IMMP2L: variants seen among roughly 807,000 people sequenced by gnomAD.
IMMP2L encodes inner mitochondrial membrane peptidase subunit 2.
In IMMP2L, 18 loss-of-function variants were observed where a neutral mutation model predicts 19.3. That is an observed-to-expected ratio of 0.93 (90% CI 0.64 to 1.38). The LOEUF (loss-of-function observed/expected upper bound fraction) is 1.38. Ranked by LOEUF, IMMP2L falls within the 40% of genes most tolerant of loss-of-function variation. IMMP2L has a pLI of 0.00. For missense variants in IMMP2L, 233 were observed against 218.2 expected (o/e 1.07, Z -0.43); for synonymous variants, 76 against 73.0 (o/e 1.04, Z -0.21).
chr7:110,979,062 G>C (rs1820983548), intron 3 of IMMP2L, among the ~76,000 whole-genome samples: 1 of 151,982 alleles, frequency 6.6e-6, no homozygotes, highest in Non-Finnish European at 1.5e-5. Context: ...GTTGACACTT[G>C]GTATTACAGT....
chr7:110,913,305 T>C (rs1813255821), intron 4 of IMMP2L, among the ~76,000 whole-genome samples: 1 of 152,058 alleles, frequency 6.6e-6, no homozygotes, highest in African/African-American at 2.4e-5. Flanking sequence ...AGCAAACTAA[T>C]ACTTTGTTGG....
At chr7:110,718,940 A>T (rs1399187386) in intron 5 of IMMP2L, among the ~76,000 whole-genome samples, 1 of 152,188 alleles carries the variant, frequency 6.6e-6, no homozygotes, top group Non-Finnish European at 1.5e-5. Flanking sequence ...GAAGCTGCAA[A>T]TGACTAGATC....
intron 3 of IMMP2L, among the ~76,000 whole-genome samples, chr7:111,373,022 G>A: frequency 6.6e-6 from 1 of 151,772 alleles, no homozygotes. Flanking sequence ...TTTAATTACG[G>A]AGGATTAAGA....
At chr7:110,862,844 G>T (rs1488692603) in intron 5 of IMMP2L, among the ~76,000 whole-genome samples, 1 of 151,954 alleles carries the variant, frequency 6.6e-6, no homozygotes. Flanking sequence ...AGAACAAAGA[G>T]CAAGTTTGAG....
chr7:110,946,087 A>G (rs1019424369), intron 4 of IMMP2L, among the ~76,000 whole-genome samples: 4 of 152,160 alleles, frequency 2.6e-5, no homozygotes, highest in Non-Finnish European at 5.9e-5. Context: ...AAATACGAAA[A>G]CAGGTTCTCA....
intron 3 of IMMP2L, among the ~76,000 whole-genome samples, chr7:111,275,951 C>T (rs1327411675): frequency 2.0e-5 from 3 of 151,962 alleles, no homozygotes; most frequent in African/African-American, 4.8e-5. Context: ...TGGAGTCTGC[C>T]GGGTTTTCTA....
At chr7:110,987,292 G>A (rs977240652) in intron 3 of IMMP2L, among the ~76,000 whole-genome samples, 2 of 152,140 alleles carry the variant, frequency 1.3e-5, no homozygotes, top group African/African-American at 4.8e-5. Flanking sequence ...CTCTTGACAG[G>A]GGAAAGGGTA....
At chr7:111,346,859 A>G (rs558643057) in intron 3 of IMMP2L, among the ~76,000 whole-genome samples, 14 of 152,170 alleles carry the variant, frequency 9.2e-5, no homozygotes, top group Non-Finnish European at 1.5e-4. Flanking sequence ...TTCCAGCTAC[A>G]CCACTTTAAT....
At chr7:110,849,411 G>A (rs1358490081) in intron 5 of IMMP2L, among the ~76,000 whole-genome samples, 2 of 151,724 alleles carry the variant, frequency 1.3e-5, no homozygotes, top group Admixed American at 6.6e-5. Context: ...TTACAATATA[G>A]GAAAAACATT....
intron 2 of IMMP2L, among the ~76,000 whole-genome samples, chr7:111,514,927 G>C (rs1845754454): frequency 1.3e-5 from 2 of 152,012 alleles, no homozygotes; most frequent in Admixed American, 1.3e-4. Flanking sequence ...AGTGATATAA[G>C]TAGTGCTTTG....
intron 3 of IMMP2L, among the ~76,000 whole-genome samples, chr7:111,072,025 CA>C (rs1208948851): frequency 2.0e-5 from 3 of 151,958 alleles, no homozygotes; most frequent in Admixed American, 2.0e-4. Flanking sequence ...TATTACCCAC[CA>C]GCCAAATATA....
chr7:111,493,851 T>G (rs1843337526), intron 2 of IMMP2L, among the ~76,000 whole-genome samples: 1 of 150,452 alleles, frequency 6.6e-6, no homozygotes, highest in Non-Finnish European at 1.5e-5. Context: ...TGCCAAAAAA[T>G]TAGCCGGGTG....
intron 5 of IMMP2L, among the ~76,000 whole-genome samples, chr7:110,746,965 G>C (rs1031476229): frequency 6.6e-6 from 1 of 152,070 alleles, no homozygotes; most frequent in Non-Finnish European, 1.5e-5. Flanking sequence ...GAATCCAGGA[G>C]GTAGTTTTTT....
chr7:111,500,511 A>C (rs927119041), intron 2 of IMMP2L, among the ~76,000 whole-genome samples: 2 of 152,190 alleles, frequency 1.3e-5, no homozygotes, highest in African/African-American at 4.8e-5. Context: ...CTGCCTCCTC[A>C]AGTGGGTCCC....
Position 110,692,695 on chromosome 7 carries a change from G to GA in IMMP2L, c.409-28975dup, listed in dbSNP as rs558903567. Among the ~76,000 whole-genome samples the GA allele has an allele frequency of 2.6e-5, 4 of 152,212 alleles. No homozygotes were observed. The South Asian group carries it at 6.2e-4, about 24-fold the overall frequency. On this transcript the variant is annotated intron_variant, in intron 5 of 5. Coordinates refer to ENST00000405709, the MANE Select transcript of IMMP2L (RefSeq NM_032549.4). ...TTTTGGTATAGATTATAGCTGTGGG[G>GA]AAAAATAGCTCTTTCTAGGAGGAAT...
intron 3 of IMMP2L, among the ~76,000 whole-genome samples, chr7:111,386,327 C>G (rs1831749976): frequency 6.6e-6 from 1 of 152,148 alleles, no homozygotes; most frequent in Non-Finnish European, 1.5e-5. Context: ...TACATTCATT[C>G]ACTTAACAAA....
chr7:111,108,935 C>A (rs556646259), intron 3 of IMMP2L, among the ~76,000 whole-genome samples: 2 of 152,260 alleles, frequency 1.3e-5, no homozygotes, highest in South Asian at 4.1e-4. Flanking sequence ...TCTAGCTAGG[C>A]ATTGGAGATC....
In IMMP2L at chr7:110,955,464, T is replaced by C. The variant is rs193098687; in HGVS notation, c.305+8036A>G. On this transcript the variant is annotated intron_variant, in intron 4 of 5. Coordinates refer to ENST00000405709, the MANE Select transcript of IMMP2L (RefSeq NM_032549.4). ...AAACCCTTGTACAGAGCCTAAGACA[T>C]TTAATTGTACTGCTCAATCCCTTGT... is the stretch of plus-strand genomic sequence containing the variant. 2.8e-3 allele frequency among the ~76,000 whole-genome samples: 425 copies of C among 151,944 alleles called. 3 individuals are homozygous for C. The highest frequency in any genetic ancestry group is 3.7e-3 in the Admixed American group (56 of 15,200).
At chr7:111,258,974 A>G (rs1018854813) in intron 3 of IMMP2L, among the ~76,000 whole-genome samples, 18 of 152,150 alleles carry the variant, frequency 1.2e-4, no homozygotes, top group Non-Finnish European at 1.6e-4. Flanking sequence ...TAGATGGTAT[A>G]GCCTACCACA....
Sources: gnomAD v4.1 joint callset for allele counts (sites outside exome capture counted in the v4.1 genomes callset) on GRCh38, gnomAD v4.1.1 for gene constraint, MANE v1.5 for transcripts, NCBI Gene and HGNC (gene_info 2026-07-23, HGNC 2026-07-21) for gene names.